The following DMRT3 variants were observed in gnomAD, a reference collection of about 807,000 sequenced individuals.
DMRT3 encodes doublesex and mab-3 related transcription factor 3.
A neutral mutation model predicts 34.9 loss-of-function variants in DMRT3; 29 were observed. The ratio of observed to expected loss-of-function variants is 0.83; its 90% CI spans 0.62 to 1.13. The LOEUF (loss-of-function observed/expected upper bound fraction) is 1.13, where lower values mean the gene tolerates loss of function less well. Ranked by LOEUF, DMRT3 falls within the 50% of genes most tolerant of loss-of-function variation. The pLI, the probability that DMRT3 is intolerant of heterozygous loss-of-function variation, is 0.00. For missense variants in DMRT3, 772 were observed against 629.1 expected (o/e 1.23, Z -2.43); for synonymous variants, 350 against 286.0 (o/e 1.22, Z -2.26).
chr9:979,628 A>C (rs998710891), intron 1 of DMRT3, among the ~76,000 whole-genome samples: 4 of 151,706 alleles, frequency 2.6e-5, no homozygotes, highest in African/African-American at 9.7e-5. Flanking sequence ...GCAAATCACC[A>C]CTCTGATGGG....
intron 1 of DMRT3, among the ~76,000 whole-genome samples, chr9:985,098 G>A (rs977065790): frequency 4.6e-5 from 7 of 152,090 alleles, no homozygotes; most frequent in African/African-American, 1.7e-4. Flanking sequence ...TTACCCTAGT[G>A]CACAGTTTAT....
Position 990,435 on chromosome 9 carries a change from A to G in DMRT3, c.849A>G (p.Glu283=). The change falls in exon 2 of 2, where the codon GAA becomes GAG. Residue 283 remains glutamate, a synonymous_variant. Transcript: ENST00000190165. The part of the protein sequence containing the change: ...GCGGDLVSAV[E]VLLSSRSSVT... ...GCGGGGACCTGGTGAGCGCCGTGGA[A>G]GTCCTTCTGTCCAGCCGATCCTCAG... The G allele has an allele frequency of 6.2e-7, 1 of 1,614,128 alleles. No homozygotes were observed. The highest frequency in any genetic ancestry group is 1.1e-5 in the South Asian group (1 of 91,080).
In DMRT3 at chr9:990,949, G is replaced by A. The variant is rs778438222; in HGVS notation, c.1363G>A (p.Asp455Asn). 1.1e-5 allele frequency: 17 copies of A among 1,613,968 alleles called. No individual in the cohort carries two copies. The highest frequency in any genetic ancestry group is 3.3e-5 in the Admixed American group (2 of 59,996). Residue 455 changes from aspartate (D) to asparagine (N), a missense_variant, in exon 2 of 2, where the codon GAC becomes AAC. Asp to Asn is a conservative substitution (Grantham distance 23). Transcript: ENST00000190165. ...AAAGCAGTCCATTTACACCGAGGAC[G>A]ACTATGACGAGAGGTCTGACTCCTC... ...VSKQSIYTED[D>N]YDERSDSSDS...
chr9:985,163 A>G (rs1820268565), intron 1 of DMRT3, among the ~76,000 whole-genome samples: 1 of 152,182 alleles, frequency 6.6e-6, no homozygotes, highest in Non-Finnish European at 1.5e-5. Context: ...GGAAGAGAGA[A>G]TATTAAGATT....
At chr9:986,890 CAAA>C (rs5895884) in intron 1 of DMRT3, among the ~76,000 whole-genome samples, 1 of 138,758 alleles carries the variant, frequency 7.2e-6, no homozygotes, top group East Asian at 2.1e-4. Context: ...GACTCTGTCT[CAAA>C]AAAAAAAAAA....
At chr9:989,834 C>G (rs1586686536) in intron 1 of DMRT3, 1 of 585,718 alleles carries the variant, frequency 1.7e-6, no homozygotes, top group East Asian at 3.2e-5. Flanking sequence ...CAGGAAGCCA[C>G]TCTGATTTCT....
Position 977,040 on chromosome 9 carries a change from C to G in DMRT3, c.39C>G (p.Gly13=). Residue 13 remains glycine (G), a synonymous_variant, in exon 1 of 2, where the codon GGC becomes GGG. Coordinates refer to ENST00000190165, the MANE Select transcript of DMRT3 (RefSeq NM_021240.4). ...GCTCCCCCTACCTGTACATGGGCGG[C>G]CCGGTGTCGCAGCCGCCACGGGCGC... The part of the protein sequence containing the change: ...GYGSPYLYMG[G]PVSQPPRAPL... 6.4e-7 allele frequency: 1 copy of G among 1,563,638 alleles called. No individual in the cohort carries two copies. The highest frequency in any genetic ancestry group is 8.6e-7 in the Non-Finnish European group (1 of 1,156,700).
At position 977,409 on chromosome 9, in the gene DMRT3, T is replaced by G; in HGVS notation, c.408T>G (p.Thr136=). Residue 136 remains threonine (T), a synonymous_variant, in exon 1 of 2, where the codon ACT becomes ACG. Transcript: ENST00000190165. The part of the protein sequence containing the change: ...ELAAAAALRW[T]AEPQPGALQA... ...CCGCGGCCGCCGCGCTGCGTTGGAC[T>G]GCCGAGCCGCAGCCCGGGGCTCTGC... is the stretch of plus-strand genomic sequence containing the variant. 2 of 1,259,990 alleles carry G rather than the reference T, an allele frequency of 1.6e-6. No individual in the cohort carries two copies. The highest frequency in any genetic ancestry group is 2.0e-6 in the Non-Finnish European group (2 of 1,005,400). 78.1% of individuals were successfully genotyped at this position (1,259,990 alleles called of 1,614,324 possible). A position where few individuals can be genotyped will look rare whatever the true frequency, so the allele number is the denominator to read the frequency against.
chr9:980,066 T>G lies in DMRT3; in HGVS notation c.454+2611T>G, dbSNP rs564517614. On this transcript the variant is annotated intron_variant, in intron 1 of 1. Transcript: ENST00000190165. ...TCTTTTTGCGGGGCAAAGGACCTCT[T>G]TAATACATAAGCTGTGAAGAGAGAT... 3.3e-5 allele frequency among the ~76,000 whole-genome samples: 5 copies of G among 149,450 alleles called. No individual in the cohort carries two copies. In the South Asian group the frequency reaches 1.1e-3, roughly 33 times the overall value.
At chr9:979,562 T>C (rs757970742) in intron 1 of DMRT3, among the ~76,000 whole-genome samples, 1 of 152,126 alleles carries the variant, frequency 6.6e-6, no homozygotes, top group Non-Finnish European at 1.5e-5. Context: ...GTACACAACT[T>C]TTGTTTTCTT....
chr9:978,639 G>T (rs912551962), intron 1 of DMRT3, among the ~76,000 whole-genome samples: 5 of 152,170 alleles, frequency 3.3e-5, no homozygotes, highest in African/African-American at 9.7e-5. Flanking sequence ...GAAGTGAGGC[G>T]GACTCACCTG....
intron 1 of DMRT3, among the ~76,000 whole-genome samples, chr9:982,200 G>C (rs1820229505): frequency 6.6e-6 from 1 of 152,200 alleles, no homozygotes; most frequent in Non-Finnish European, 1.5e-5. Flanking sequence ...TGGCGGTGGG[G>C]TCGCCTGTGC....
intron 1 of DMRT3, among the ~76,000 whole-genome samples, chr9:988,293 A>G (rs1405610096): frequency 1.3e-5 from 2 of 152,210 alleles, no homozygotes; most frequent in African/African-American, 4.8e-5. Flanking sequence ...CAAATTTGGG[A>G]TAAGTATGAA....
Position 976,832 on chromosome 9 carries a change from A to G in DMRT3, c.-170A>G, listed in dbSNP as rs539209284. ...TGTGAGCGCGAAGGGAGCTGGAGAG[A>G]CGACTGCGGCACCTCCGGCCGCCCC... On this transcript the variant is annotated 5_prime_UTR_variant, in exon 1 of 2. Coordinates refer to ENST00000190165, the MANE Select transcript of DMRT3 (RefSeq NM_021240.4). This position sits in a 1 kb window ranked among gnomAD's most constrained non-coding sequence, Gnocchi z 4.5. 2,967 of 559,958 alleles carry G rather than the reference A, an allele frequency of 5.3e-3. 16 individuals carry two copies. The highest frequency in any genetic ancestry group is 7.0e-3 in the Non-Finnish European group (2,526 of 361,614). The allele number at this position is 559,958 out of a possible 1,614,324, so 34.7% of individuals were successfully genotyped here. A position where few individuals can be genotyped will look rare whatever the true frequency, so the allele number is the denominator to read the frequency against.
At chr9:979,335 G>T (rs1365309871) in intron 1 of DMRT3, among the ~76,000 whole-genome samples, 2 of 152,176 alleles carry the variant, frequency 1.3e-5, no homozygotes, top group African/African-American at 4.8e-5. Context: ...AAAGGAAACG[G>T]ATCTCAACTG....
Position 976,921 on chromosome 9 carries a change from G to A in DMRT3, c.-81G>A, listed in dbSNP as rs1243050801. 4.4e-6 allele frequency: 6 copies of A among 1,354,390 alleles called. No individual in the cohort carries two copies. In the Admixed American group the frequency reaches 2.1e-4, roughly 47 times the overall value. The allele number at this position is 1,354,390 out of a possible 1,614,324, so 83.9% of individuals were successfully genotyped here. On this transcript the variant is annotated 5_prime_UTR_variant, in exon 1 of 2. Coordinates refer to ENST00000190165, the MANE Select transcript of DMRT3 (RefSeq NM_021240.4). This position sits in a 1 kb window ranked among gnomAD's most constrained non-coding sequence, Gnocchi z 4.5. ...CGCGTCGCCCGGAGGCCGCCCCTGA[G>A]CGGGCCTCGCAGCCCCGCCGTCCAG... is the stretch of plus-strand genomic sequence containing the variant.
At chr9:983,537 A>G (rs1252182739) in intron 1 of DMRT3, among the ~76,000 whole-genome samples, 1 of 152,164 alleles carries the variant, frequency 6.6e-6, no homozygotes, top group East Asian at 1.9e-4. Flanking sequence ...TCAAGAGGCA[A>G]TGCTTTGATC....
At position 991,368 on chromosome 9, in the gene DMRT3, C is replaced by T. The variant is rs1305220000; in HGVS notation, c.*363C>T. 2 of 172,194 alleles carry T rather than the reference C, an allele frequency of 1.2e-5. No individual in the cohort carries two copies. Among genetic ancestry groups the T allele is most frequent in the Admixed American group, 5.9e-5 (1 of 17,010 alleles). 10.7% of individuals were successfully genotyped at this position (172,194 alleles called of 1,614,324 possible). ...TTAAATGAAATAATATACTTGAATG[C>T]AATTTTGTAAAAGTGGATTCCTCAG... On this transcript the variant is annotated 3_prime_UTR_variant, in exon 2 of 2. Coordinates refer to ENST00000190165, the MANE Select transcript of DMRT3 (RefSeq NM_021240.4).
chr9:976,690 C>G lies in DMRT3; in HGVS notation c.-312C>G, dbSNP rs1313563246. On this transcript the variant is annotated 5_prime_UTR_variant, in exon 1 of 2. Transcript: ENST00000190165. The surrounding 1 kb of genome is among the most constrained non-coding windows in gnomAD (Gnocchi z 4.5). ...TGGCTCAGACCTTAATCAGAGCTGT[C>G]GCCGGCTCCTTGCAGCCGCCGCAGC... 1.3e-5 allele frequency among the ~76,000 whole-genome samples: 2 copies of G among 152,200 alleles called. No individual in the cohort carries two copies. Among genetic ancestry groups the G allele is most frequent in the Non-Finnish European group, 2.9e-5 (2 of 68,020 alleles).
Sources: gnomAD v4.1 joint callset for allele counts (sites outside exome capture counted in the v4.1 genomes callset) on GRCh38, gnomAD v4.1.1 for gene constraint, Gnocchi (gnomAD v3.1) non-coding constraint, MANE v1.5 for transcripts, NCBI Gene and HGNC (gene_info 2026-07-23, HGNC 2026-07-21) for gene names.